Variants in GOLM1 observed in about 807,000 individuals in gnomAD.
GOLM1 encodes the protein epididymis luminal protein 46.
Under a neutral mutation model 50.5 loss-of-function variants are expected in GOLM1, and 31 were observed. That is an observed-to-expected ratio of 0.61 (90% confidence interval 0.46 to 0.83). The LOEUF (loss-of-function observed/expected upper bound fraction) is 0.83, where lower values mean the gene tolerates loss of function less well. Among genes scored for constraint, GOLM1 ranks in the 40% least tolerant of loss-of-function variants. The pLI, the probability that GOLM1 is intolerant of heterozygous loss-of-function variation, is 0.00. For missense variants in GOLM1, 491 were observed against 501.3 expected, an observed-to-expected ratio of 0.98 and a Z score of 0.20; for synonymous variants, 178 against 192.8, an observed-to-expected ratio of 0.92 and a Z score of 0.64.
chr9:86,032,313 G>A (rs1387117832), intron 9 of GOLM1, among the ~76,000 whole-genome samples: 10 of 151,912 alleles, frequency 6.6e-5, no homozygotes, highest in Admixed American at 1.3e-4. Context: ...GACTACAGGC[G>A]CCCACCACCA....
intron 7 of GOLM1, among the ~76,000 whole-genome samples, chr9:86,036,115 A>G (rs1833134361): frequency 6.6e-6 from 1 of 151,386 alleles, no homozygotes; most frequent in Admixed American, 6.6e-5. Flanking sequence ...ATAAAGGTGC[A>G]GCCTGGGCCT....
chr9:86,089,051 G>C (rs1835089063), intron 1 of GOLM1, among the ~76,000 whole-genome samples: 1 of 152,094 alleles, frequency 6.6e-6, no homozygotes, highest in African/African-American at 2.4e-5. Context: ...GAAATTCCGG[G>C]TTGAAAGTTC....
At chr9:86,032,461 T>C (rs1056208330) in intron 9 of GOLM1, among the ~76,000 whole-genome samples, 2 of 152,074 alleles carry the variant, frequency 1.3e-5, no homozygotes, top group African/African-American at 2.4e-5. Flanking sequence ...GCCACCACAC[T>C]TGGCCCAGAA....
At chr9:86,097,572 G>A (rs1835389058) in intron 1 of GOLM1, among the ~76,000 whole-genome samples, 4 of 152,264 alleles carry the variant, frequency 2.6e-5, no homozygotes, top group Admixed American at 2.0e-4. Flanking sequence ...TTTGAGAAAG[G>A]CGGCTGGACC....
chr9:86,049,563 G>A (rs573219346), intron 4 of GOLM1, among the ~76,000 whole-genome samples: 3 of 152,242 alleles, frequency 2.0e-5, no homozygotes, highest in South Asian at 4.1e-4. Context: ...GTGGTTTGTA[G>A]TTCTCCTTGA....
chr9:86,094,859 G>C (rs1400525738), intron 1 of GOLM1, among the ~76,000 whole-genome samples: 1 of 152,130 alleles, frequency 6.6e-6, no homozygotes, highest in Non-Finnish European at 1.5e-5. Context: ...CAAGGCAGGC[G>C]GATCACCTGA....
chr9:86,089,037 A>G (rs561889698), intron 1 of GOLM1, among the ~76,000 whole-genome samples: 28 of 152,268 alleles, frequency 1.8e-4, no homozygotes, highest in African/African-American at 6.0e-4. Context: ...GTTTGGCTAG[A>G]TATGAAATTC....
Position 86,026,865 on chromosome 9 carries a change from T to TAAAC in GOLM1, c.*948_*951dup, listed in dbSNP as rs1832801802. On this transcript the variant is annotated 3_prime_UTR_variant, in exon 10 of 10. Coordinates refer to ENST00000388712, the MANE Select transcript of GOLM1 (RefSeq NM_016548.4). ...AACAACCATTGTATTCCTGTTTTTCTAAACAGTCCTAATTTCTAACACTGT... is the reference window on the plus strand; with the variant it reads ...AACAACCATTGTATTCCTGTTTTTCTAAACAAACAGTCCTAATTTCTAACACTGT... The TAAAC allele has an allele frequency of 1.0e-6, 1 of 983,498 alleles. No individual in the cohort carries two copies. The highest frequency in any genetic ancestry group is 1.7e-5 in the African/African-American group (1 of 57,212). The allele number at this position is 983,498 out of a possible 1,614,324, so 60.9% of individuals were successfully genotyped here.
At chr9:86,071,580 G>A (rs1436028394) in intron 3 of GOLM1, among the ~76,000 whole-genome samples, 2 of 152,002 alleles carry the variant, frequency 1.3e-5, no homozygotes, top group Non-Finnish European at 2.9e-5. Flanking sequence ...TCGGGAGGCT[G>A]TGAGAAACGC....
At chr9:86,067,992 G>A (rs1226966116) in intron 3 of GOLM1, among the ~76,000 whole-genome samples, 1 of 152,090 alleles carries the variant, frequency 6.6e-6, no homozygotes, top group Non-Finnish European at 1.5e-5. Flanking sequence ...GGGCGACAGA[G>A]TGAGACTCCG....
chr9:86,026,561 A>G lies in GOLM1; in HGVS notation c.*1256T>C. On this transcript the variant is annotated 3_prime_UTR_variant, in exon 10 of 10. Coordinates refer to ENST00000388712, the MANE Select transcript of GOLM1 (RefSeq NM_016548.4). ...GAAAATAAGAGGGTTGGATCAAACG[A>G]TCTCTGGGGCCTTAGCATCTCAAAT... 1 of 912,808 alleles carries G rather than the reference A, an allele frequency of 1.1e-6. No individual in the cohort carries two copies. The highest frequency in any genetic ancestry group is 1.3e-6 in the Non-Finnish European group (1 of 763,772). The allele number at this position is 912,808 out of a possible 1,614,324, so 56.5% of individuals were successfully genotyped here.
In GOLM1 at chr9:86,065,213, A is replaced by G. The variant is rs534307584; in HGVS notation, c.309+12199T>C. Among the ~76,000 whole-genome samples the G allele has an allele frequency of 3.9e-5, 6 of 152,256 alleles. No individual in the cohort carries two copies. The South Asian group carries it at 6.2e-4, about 16-fold the overall frequency. The stretch of plus-strand genomic sequence containing the variant: ...AAATATCTGGGTGGTTTCTCTGTCT[A>G]CACTGACCCCACTACACTCACTTCC... On this transcript the variant is annotated intron_variant, in intron 3 of 9. Transcript: ENST00000388712.
intron 3 of GOLM1, among the ~76,000 whole-genome samples, chr9:86,077,064 T>C (rs534003301): frequency 6.6e-6 from 1 of 152,082 alleles, no homozygotes; most frequent in East Asian, 1.9e-4. Flanking sequence ...CTCTGAGATA[T>C]AAGCACCTGG....
chr9:86,050,210 T>G (rs1402628940), intron 4 of GOLM1, among the ~76,000 whole-genome samples: 2 of 152,232 alleles, frequency 1.3e-5, no homozygotes, highest in East Asian at 1.9e-4. Context: ...ATCCCCGGGA[T>G]GAAGGCAACT....
At chr9:86,060,715 C>T (rs1834128612) in intron 3 of GOLM1, among the ~76,000 whole-genome samples, 1 of 151,476 alleles carries the variant, frequency 6.6e-6, no homozygotes, top group African/African-American at 2.4e-5. Context: ...CCCGTCTCTA[C>T]TAAAAATACA....
chr9:86,059,521 G>A (rs932686589), intron 3 of GOLM1, among the ~76,000 whole-genome samples: 1 of 152,190 alleles, frequency 6.6e-6, no homozygotes, highest in Non-Finnish European at 1.5e-5. Context: ...ACAGAAAGCA[G>A]GTTAGTGGTT....
chr9:86,087,652 A>C (rs563114453), intron 1 of GOLM1, among the ~76,000 whole-genome samples: 3 of 152,240 alleles, frequency 2.0e-5, no homozygotes, highest in South Asian at 4.1e-4. Context: ...TAGCATGAAG[A>C]GGTGTGGAAT....
At chr9:86,078,922 A>G (rs1359707140) in intron 2 of GOLM1, among the ~76,000 whole-genome samples, 1 of 152,154 alleles carries the variant, frequency 6.6e-6, no homozygotes, top group Non-Finnish European at 1.5e-5. Flanking sequence ...CAGTAGCTCA[A>G]ATGAATGCTG....
intron 3 of GOLM1, among the ~76,000 whole-genome samples, chr9:86,054,962 G>C (rs1044365824): frequency 1.3e-5 from 2 of 152,146 alleles, no homozygotes; most frequent in Admixed American, 1.3e-4. Context: ...AGACACATTT[G>C]TGTCCCATTC....
Sources: allele counts gnomAD v4.1 joint callset (sites outside exome capture counted in the v4.1 genomes callset), GRCh38; gene constraint gnomAD v4.1.1; transcripts MANE v1.5; gene names NCBI Gene and HGNC (gene_info 2026-07-23, HGNC 2026-07-21).